Variants in ERMAP observed in about 807,000 individuals in gnomAD.
ERMAP encodes the protein erythroid membrane-associated protein.
ERMAP carries 34 observed loss-of-function variants against 49.5 expected under a neutral mutation model. That is an observed-to-expected ratio of 0.69 (90% confidence interval 0.52 to 0.91). ERMAP has a LOEUF of 0.91. ERMAP is among the 40% of genes least tolerant of loss of function. ERMAP has a pLI of 0.00. For missense variants in ERMAP, 541 were observed against 582.6 expected, an observed-to-expected ratio of 0.93 and a Z score of 0.74; for synonymous variants, 214 against 232.2, an observed-to-expected ratio of 0.92 and a Z score of 0.71.
At chr1:42,831,177 C>G (rs1570536925) in intron 4 of ERMAP, 62 bp downstream of exon 4, 2 of 1,544,078 alleles carry the variant, frequency 1.3e-6, no homozygotes, top group East Asian at 2.3e-5. Flanking sequence ...TAATCAGGAC[C>G]TACTTTGTCT....
chr1:42,831,236 A>G, intron 4 of ERMAP, 121 bp downstream of exon 4: 1 of 1,245,588 alleles, frequency 8.0e-7, no homozygotes, highest in South Asian at 1.5e-5. Context: ...TTTACTTGCC[A>G]GGATGGCTCA....
intron 1 of ERMAP, among the ~76,000 whole-genome samples, chr1:42,821,645 C>A (rs918463853): frequency 6.6e-6 from 1 of 152,174 alleles, no homozygotes; most frequent in Non-Finnish European, 1.5e-5. Flanking sequence ...AAACGCTTTA[C>A]ATTTAAAAAT....
intron 11 of ERMAP, 149 bp from the exon 12 acceptor site, chr1:42,842,368 C>T: frequency 3.1e-6 from 2 of 644,750 alleles, no homozygotes; most frequent in Non-Finnish European, 5.3e-6. Context: ...TTCTTTGGTT[C>T]CAGTACACAT....
At position 42,830,688 on chromosome 1, in the gene ERMAP, C is replaced by T. The variant is rs541074688; in HGVS notation, c.86-80C>T. The T allele has an allele frequency of 6.7e-5, 96 of 1,432,240 alleles. 1 individual carries two copies. The highest frequency in any genetic ancestry group is 4.7e-4 in the African/African-American group (33 of 70,738). The allele number at this position is 1,432,240 out of a possible 1,614,324, so 88.7% of individuals were successfully genotyped here. The stretch of plus-strand genomic sequence containing the variant: ...GTCCTTCCTGGGCTCTGTCCGTCCC[C>T]GGGATATCCTCTTCCTCATCCCTTC... On this transcript the variant is annotated intron_variant, in intron 3 of 11. Transcript: ENST00000372517.
At chr1:42,820,505 A>G (rs1654379038) in intron 1 of ERMAP, among the ~76,000 whole-genome samples, 2 of 151,624 alleles carry the variant, frequency 1.3e-5, no homozygotes, top group Admixed American at 6.6e-5. Flanking sequence ...GATTACAGGC[A>G]TGAGCTGCTG....
chr1:42,819,204 TGTGC>T lies in ERMAP; in HGVS notation c.-122+1953_-122+1956del, dbSNP rs751470970. On this transcript the variant is annotated intron_variant, in intron 1 of 11. Coordinates refer to ENST00000372517, the MANE Select transcript of ERMAP (RefSeq NM_001017922.2). The surrounding 1 kb of genome is among the most constrained non-coding windows in gnomAD (Gnocchi z 5.1). ...GTGTGTGTGTGTGTGTGTGTGTGTG[TGTGC>T]GCGCGCGCAAGAGAGGGACCGAGAG... Among the ~76,000 whole-genome samples, 23,820 of 121,082 alleles carry T rather than the reference TGTGC, an allele frequency of 0.2. 2,400 individuals are homozygous for T. The highest frequency in any genetic ancestry group is 0.26 in the Non-Finnish European group (14,439 of 55,092). 79.4% of individuals were successfully genotyped at this position (121,082 alleles called of 152,430 possible). A position where few individuals can be genotyped will look rare whatever the true frequency, so the allele number is the denominator to read the frequency against.
At chr1:42,827,348 A>AT (rs1267349890) in intron 2 of ERMAP, among the ~76,000 whole-genome samples, 6 of 151,896 alleles carry the variant, frequency 4.0e-5, no homozygotes, top group Non-Finnish European at 8.8e-5. Flanking sequence ...TTATTTTTAT[A>AT]TTTTTTTGTA....
Position 42,844,287 on chromosome 1 carries a change from G to A in ERMAP, c.*1055G>A. ...TGATTTTTGGGTGTGTATTGCAGAA[G>A]CCTCGTCGCTTTCAAGTCACATCAT... On this transcript the variant is annotated 3_prime_UTR_variant, in exon 12 of 12. Transcript: ENST00000372517. The surrounding 1 kb of genome is among the most constrained non-coding windows in gnomAD (Gnocchi z 4.0). 2.5e-6 allele frequency: 1 copy of A among 395,784 alleles called. No individual in the cohort carries two copies. Among genetic ancestry groups the A allele is most frequent in the Non-Finnish European group, 4.4e-6 (1 of 224,792 alleles). 24.5% of individuals were successfully genotyped at this position (395,784 alleles called of 1,614,324 possible).
In ERMAP at chr1:42,819,313, G is replaced by T. The variant is rs1490563933; in HGVS notation, c.-122+2060G>T. Among the ~76,000 whole-genome samples the T allele has an allele frequency of 1.3e-5, 2 of 152,130 alleles. No individual in the cohort carries two copies. Among genetic ancestry groups the T allele is most frequent in the Non-Finnish European group, 2.9e-5 (2 of 68,028 alleles). On this transcript the variant is annotated intron_variant, in intron 1 of 11. Transcript: ENST00000372517. This position sits in a 1 kb window ranked among gnomAD's most constrained non-coding sequence, Gnocchi z 5.1. ...TGAGCAATTAGAAGATTTCAGAAAA[G>T]AACGGAACTGGAGATACCAGTTTGG... is the stretch of plus-strand genomic sequence containing the variant.
At chr1:42,828,894 T>C (rs1215076389) in intron 2 of ERMAP, among the ~76,000 whole-genome samples, 1 of 152,178 alleles carries the variant, frequency 6.6e-6, no homozygotes, top group Admixed American at 6.5e-5. Context: ...AGCCTTGGGT[T>C]AGCTTGGAGC....
In ERMAP at chr1:42,831,116, G is replaced by T. The variant is rs1654718669; in HGVS notation, c.433+1G>T. ...GACACCGTGATCCTGCAGGTTGCAG[G>T]TTAGAATGGGTTTGAGGTGCCCAGG... On this transcript the variant is annotated splice_donor_variant, in intron 4 of 11. Transcript: ENST00000372517. LOFTEE classifies it high-confidence loss of function. The T allele has an allele frequency of 6.2e-7, 1 of 1,613,426 alleles. No individual in the cohort carries two copies. The highest frequency in any genetic ancestry group is 8.5e-7 in the Non-Finnish European group (1 of 1,179,530).
chr1:42,842,670 C>A lies in ERMAP; in HGVS notation c.866C>A (p.Thr289Lys), dbSNP rs200208103. ...VVSILGSEYFTTGCHYWEVYV... is the reference protein window; with the variant it reads ...VVSILGSEYFKTGCHYWEVYV... ...AGCATCCTAGGCTCTGAGTACTTCA[C>A]GACTGGCTGCCACTACTGGGAGGTG... The change falls in exon 12 of 12, where the codon ACG becomes AAG. Residue 289 changes from threonine to lysine, a missense_variant. By Grantham distance (78) the Thr-to-Lys change is moderately conservative. Transcript: ENST00000372517. 6.2e-7 allele frequency: 1 copy of A among 1,614,176 alleles called. No individual in the cohort carries two copies. The highest frequency in any genetic ancestry group is 2.2e-5 in the East Asian group (1 of 44,882).
intron 2 of ERMAP, among the ~76,000 whole-genome samples, chr1:42,829,228 C>T (rs1262164765): frequency 6.6e-6 from 1 of 152,162 alleles, no homozygotes; most frequent in East Asian, 1.9e-4. Context: ...AAAACAAGAA[C>T]AACCCTAAAC....
chr1:42,843,107 G>A lies in ERMAP; in HGVS notation c.1303G>A (p.Asp435Asn), dbSNP rs1214730573. The A allele has an allele frequency of 5.0e-6, 8 of 1,614,248 alleles. No individual in the cohort carries two copies. Among genetic ancestry groups the A allele is most frequent in the South Asian group, 2.2e-5 (2 of 91,086 alleles). ...RPEGKGHANGDVSLKVNSSLL... is the reference protein window; with the variant it reads ...RPEGKGHANGNVSLKVNSSLL... ...AGAAGGGAAAGGCCATGCTAATGGA[G>A]ATGTGTCCCTCAAGGTGAACTCTTC... The change falls in exon 12 of 12, where the codon GAT (aspartate) becomes AAT (asparagine). Residue 435 changes from aspartate to asparagine, a missense_variant. Coordinates refer to ENST00000372517, the MANE Select transcript of ERMAP (RefSeq NM_001017922.2).
At chr1:42,832,295 A>G (rs1351797661) in intron 4 of ERMAP, among the ~76,000 whole-genome samples, 1 of 137,902 alleles carries the variant, frequency 7.3e-6, no homozygotes, top group African/African-American at 2.8e-5. Flanking sequence ...GGTTCAGGTG[A>G]TTCTCCTGCC....
Position 42,817,122 on chromosome 1 carries a change from C to T in ERMAP, c.-253C>T, listed in dbSNP as rs1654240686. ...CAGGGGACGGCCCCCGCCTCCTGCC[C>T]TCTTCCCTCTCCTGGAGGAAAATGG... On this transcript the variant is annotated 5_prime_UTR_variant, in exon 1 of 12. Coordinates refer to ENST00000372517, the MANE Select transcript of ERMAP (RefSeq NM_001017922.2). 1.7e-6 allele frequency: 2 copies of T among 1,171,196 alleles called. No homozygotes were observed. Among genetic ancestry groups the T allele is most frequent in the African/African-American group, 1.6e-5 (1 of 60,792 alleles). 72.6% of individuals were successfully genotyped at this position (1,171,196 alleles called of 1,614,324 possible).
intron 2 of ERMAP, among the ~76,000 whole-genome samples, chr1:42,828,840 T>G (rs1011075901): frequency 2.6e-5 from 4 of 152,108 alleles, no homozygotes; most frequent in African/African-American, 9.7e-5. Flanking sequence ...GTCTGAATCT[T>G]GGAATATGGG....
At chr1:42,832,179 ATTTTTTTT>A (rs75673269) in intron 4 of ERMAP, among the ~76,000 whole-genome samples, 5,097 of 96,472 alleles carry the variant, frequency 0.053, 140 homozygotes, top group African/African-American at 0.13. Context: ...GTGAAAATTA[ATTTTTTTT>A]TTTTTTTTTT....
chr1:42,840,334 C>T (rs768024705), intron 11 of ERMAP, 38 bp downstream of exon 11: 50 of 1,613,146 alleles, frequency 3.1e-5, no homozygotes, highest in South Asian at 1.4e-4. Flanking sequence ...TATCTCAGAG[C>T]ACTTCCTCCT....
Sources: allele counts gnomAD v4.1 joint callset (sites outside exome capture counted in the v4.1 genomes callset), GRCh38; gene constraint gnomAD v4.1.1; non-coding constraint Gnocchi (gnomAD v3.1); transcripts MANE v1.5; gene names NCBI Gene and HGNC (gene_info 2026-07-23, HGNC 2026-07-21).